Variants in SPOCK1 observed in about 807,000 individuals in gnomAD.
SPOCK1 encodes the protein testican-1.
Under a neutral mutation model 55.3 loss-of-function variants are expected in SPOCK1, and 23 were observed. That is an observed-to-expected ratio of 0.42 (90% CI 0.30 to 0.59). The LOEUF (loss-of-function observed/expected upper bound fraction) is 0.59, where lower values mean the gene tolerates loss of function less well. SPOCK1 is among the 20% of genes least tolerant of loss of function. SPOCK1 has a pLI of 0.22. For missense variants in SPOCK1, 499 were observed against 552.5 expected, an observed-to-expected ratio of 0.90 and a Z score of 0.97; for synonymous variants, 226 against 221.0, an observed-to-expected ratio of 1.02 and a Z score of -0.20.
chr5:137,410,873 C>A (rs1580910891), intron 2 of SPOCK1, among the ~76,000 whole-genome samples: 1 of 152,184 alleles, frequency 6.6e-6, no homozygotes, highest in Non-Finnish European at 1.5e-5. Context: ...GGAGGGGATG[C>A]AAGCCACAGA....
At chr5:137,301,633 C>T (rs931982117) in intron 2 of SPOCK1, among the ~76,000 whole-genome samples, 1 of 102,268 alleles carries the variant, frequency 9.8e-6, no homozygotes, top group Non-Finnish European at 1.9e-5. Context: ...AGCATTTCGT[C>T]TCCTTTTTTT....
intron 2 of SPOCK1, among the ~76,000 whole-genome samples, chr5:137,288,741 C>G (rs1378891634): frequency 6.6e-6 from 1 of 152,210 alleles, no homozygotes; most frequent in Non-Finnish European, 1.5e-5. Flanking sequence ...TATCCAGAAC[C>G]TCCAGGCTCT....
intron 7 of SPOCK1, among the ~76,000 whole-genome samples, chr5:136,990,920 C>T (rs1750937581): frequency 6.6e-6 from 1 of 152,100 alleles, no homozygotes; most frequent in African/African-American, 2.4e-5. Context: ...GAAAGGAGAG[C>T]AGCCCTTCTA....
Position 137,414,332 on chromosome 5 carries a change from C to A in SPOCK1, c.186+84041G>T, listed in dbSNP as rs117990513. 1.6e-3 allele frequency among the ~76,000 whole-genome samples: 250 copies of A among 152,296 alleles called. 7 individuals carry two copies. In the East Asian group the frequency reaches 0.042, roughly 26 times the overall value. On this transcript the variant is annotated intron_variant, in intron 2 of 10. Coordinates refer to ENST00000394945, the MANE Select transcript of SPOCK1 (RefSeq NM_004598.4). ...AGACATGCCTGTCCTTTGTCACTAA[C>A]CACCTTTCAAGCTTCCCCTTCTGCT... is the stretch of plus-strand genomic sequence containing the variant.
At chr5:137,238,300 T>C (rs916233218) in intron 3 of SPOCK1, among the ~76,000 whole-genome samples, 1 of 152,238 alleles carries the variant, frequency 6.6e-6, no homozygotes, top group African/African-American at 2.4e-5. Flanking sequence ...CTATTTTCAG[T>C]ACTGGCTGAA....
intron 2 of SPOCK1, among the ~76,000 whole-genome samples, chr5:137,440,537 G>A (rs1354887861): frequency 6.6e-6 from 1 of 152,152 alleles, no homozygotes; most frequent in South Asian, 2.1e-4. Context: ...TGCTGTTCAC[G>A]ATCTTTTTAA....
rs756694726 is a variant in SPOCK1, at chr5:137,498,510, G to A, written c.49C>T (p.Leu17Phe). 32 of 1,573,974 alleles carry A rather than the reference G, an allele frequency of 2.0e-5. No homozygotes were observed. Among genetic ancestry groups the A allele is most frequent in the Non-Finnish European group, 2.5e-5 (29 of 1,165,514 alleles). ...LAAAAAAWCF[L>F]QVESRHLDAL... is the part of the protein sequence containing the mutation. ...TCCAGGTGCCGGCTCTCGACTTGGA[G>A]GAAGCACCACGCCGCGGCGGCCGCC... Residue 17 changes from leucine to phenylalanine, a missense_variant, in exon 2 of 11, where the codon CTC becomes TTC. Around this residue, in one of 3 missense-constraint regions of SPOCK1, gnomAD observed 386 missense variants for 400.6 expected, o/e 0.96. Coordinates refer to ENST00000394945, the MANE Select transcript of SPOCK1 (RefSeq NM_004598.4).
At chr5:137,076,155 G>C (rs1302553243) in intron 5 of SPOCK1, among the ~76,000 whole-genome samples, 1 of 151,228 alleles carries the variant, frequency 6.6e-6, no homozygotes, top group Non-Finnish European at 1.5e-5. Context: ...TCTCAGTGAA[G>C]GCCCACAGTT....
intron 4 of SPOCK1, among the ~76,000 whole-genome samples, chr5:137,121,722 G>A (rs1753687699): frequency 6.9e-6 from 1 of 145,868 alleles, no homozygotes; most frequent in Non-Finnish European, 1.5e-5. Flanking sequence ...AGGGATACCA[G>A]TATTCCTGGA....
chr5:137,130,588 G>A (rs1450749286), intron 4 of SPOCK1, among the ~76,000 whole-genome samples: 1 of 152,212 alleles, frequency 6.6e-6, no homozygotes, highest in African/African-American at 2.4e-5. Flanking sequence ...CCAAGAGAAG[G>A]TATCTAGCTC....
intron 2 of SPOCK1, among the ~76,000 whole-genome samples, chr5:137,294,349 G>A (rs930599122): frequency 2.6e-5 from 4 of 152,140 alleles, no homozygotes; most frequent in Non-Finnish European, 4.4e-5. Flanking sequence ...TGCATTATAA[G>A]TCTCTCAAAA....
At chr5:137,118,576 T>C (rs575398459) in intron 4 of SPOCK1, among the ~76,000 whole-genome samples, 96 of 152,350 alleles carry the variant, frequency 6.3e-4, no homozygotes, top group African/African-American at 2.2e-3. Flanking sequence ...AATGGGGCCA[T>C]AGCCAGGGCC....
At chr5:137,104,863 TAATAATAATAGAAATAAAGTGCACAATA>T (rs1753335077) in intron 5 of SPOCK1, among the ~76,000 whole-genome samples, 1 of 152,154 alleles carries the variant, frequency 6.6e-6, no homozygotes, top group African/African-American at 2.4e-5. Flanking sequence ...TATTATTATG[TAATAATAATAGAAATAAAGTGCACAATA>T]AATGTGATGT....
intron 2 of SPOCK1, among the ~76,000 whole-genome samples, chr5:137,488,073 T>G (rs908622932): frequency 6.6e-6 from 1 of 152,178 alleles, no homozygotes; most frequent in Non-Finnish European, 1.5e-5. Flanking sequence ...GAGAACTACC[T>G]ACATCAGAAT....
At chr5:137,453,977 C>T (rs761465839) in intron 2 of SPOCK1, among the ~76,000 whole-genome samples, 3 of 151,754 alleles carry the variant, frequency 2.0e-5, no homozygotes, top group Non-Finnish European at 2.9e-5. Flanking sequence ...GCCATGCTCC[C>T]TAAGGACAAA....
chr5:136,999,064 G>T (rs1207465897), intron 6 of SPOCK1, among the ~76,000 whole-genome samples: 1 of 152,152 alleles, frequency 6.6e-6, no homozygotes, highest in African/African-American at 2.4e-5. Context: ...TCCACCCAAG[G>T]CATGGAGCTT....
chr5:137,325,932 G>T (rs1758068133), intron 2 of SPOCK1, among the ~76,000 whole-genome samples: 1 of 152,168 alleles, frequency 6.6e-6, no homozygotes, highest in South Asian at 2.1e-4. Flanking sequence ...CAAAGGCCCT[G>T]AGGCCTTTTG....
At chr5:137,246,123 T>C (rs1229804120) in intron 3 of SPOCK1, among the ~76,000 whole-genome samples, 1 of 152,196 alleles carries the variant, frequency 6.6e-6, no homozygotes, top group Non-Finnish European at 1.5e-5. Flanking sequence ...GTCAACTCTA[T>C]CTACTGAGAG....
chr5:137,226,155 C>G (rs1328081855), intron 3 of SPOCK1, among the ~76,000 whole-genome samples: 1 of 152,218 alleles, frequency 6.6e-6, no homozygotes, highest in Non-Finnish European at 1.5e-5. Context: ...TAAAGCAATT[C>G]TGCAGCACAG....
Sources: allele counts gnomAD v4.1 joint callset (sites outside exome capture counted in the v4.1 genomes callset), GRCh38; gene constraint gnomAD v4.1.1; regional missense constraint gnomAD v4.1.1; transcripts MANE v1.5; gene names NCBI Gene and HGNC (gene_info 2026-07-23, HGNC 2026-07-21).